The following DENND1B variants were observed in gnomAD, a reference collection of about 807,000 sequenced individuals.
DENND1B encodes the protein DENN domain-containing protein 1B.
DENND1B carries 59 observed loss-of-function variants against 90.1 expected under a neutral mutation model. That is an observed-to-expected ratio of 0.65 (90% CI 0.53 to 0.81). DENND1B has a LOEUF of 0.81. DENND1B is among the 40% of genes least tolerant of loss of function. DENND1B has a pLI of 0.00. For missense variants in DENND1B, 862 were observed against 912.6 expected (o/e 0.94, Z 0.71); for synonymous variants, 337 against 324.6 (o/e 1.04, Z -0.41).
rs767759521 is a variant in DENND1B, at chr1:197,645,720, A to G, written c.531T>C (p.Asp177=). The G allele has an allele frequency of 6.4e-7, 1 of 1,574,564 alleles. No individual in the cohort carries two copies. Among genetic ancestry groups the G allele is most frequent in the Non-Finnish European group, 8.6e-7 (1 of 1,160,576 alleles). ...CGGGTATTGTTGGGAGTCCAGTTAC[A>G]TCAGGGGCAATGAAGTAGGAATGCT... is the stretch of plus-strand genomic sequence containing the variant. ...LVPHSYFIAP[D]VTGLPTIPES... The change falls in exon 9 of 23, where the codon GAT becomes GAC. Residue 177 remains aspartate (D), a synonymous_variant. Transcript: ENST00000620048.
intron 2 of DENND1B, among the ~76,000 whole-genome samples, chr1:197,729,150 C>T (rs540582130): frequency 1.3e-5 from 2 of 152,282 alleles, no homozygotes; most frequent in South Asian, 4.1e-4. Flanking sequence ...GACTATCCCA[C>T]TTCCAGACAA....
intron 3 of DENND1B, among the ~76,000 whole-genome samples, chr1:197,694,739 A>G (rs1658257276): frequency 6.6e-6 from 1 of 151,324 alleles, no homozygotes; most frequent in Non-Finnish European, 1.5e-5. Context: ...AGATTGCTGC[A>G]TAACATCAGA....
intron 13 of DENND1B, among the ~76,000 whole-genome samples, chr1:197,600,689 A>T (rs1676125944): frequency 6.6e-6 from 1 of 151,658 alleles, no homozygotes; most frequent in Non-Finnish European, 1.5e-5. Context: ...AAACAGTATA[A>T]AGGATAATAA....
chr1:197,772,789 C>T, intron 2 of DENND1B, 79 bp downstream of exon 2: 1 of 1,298,184 alleles, frequency 7.7e-7, no homozygotes, highest in Admixed American at 2.3e-5. Flanking sequence ...CATGCCACTG[C>T]ACAGCCTGAG....
intron 15 of DENND1B, among the ~76,000 whole-genome samples, chr1:197,554,655 T>C (rs935475359): frequency 6.6e-6 from 1 of 151,078 alleles, no homozygotes; most frequent in East Asian, 2.0e-4. Context: ...CTAGCCAACA[T>C]GGTGAAACTC....
At position 197,506,867 on chromosome 1, in the gene DENND1B, A is replaced by G. The variant is rs1667754455; in HGVS notation, c.*3593T>C. The G allele has an allele frequency of 6.6e-6, 1 of 151,494 alleles. No individual in the cohort carries two copies. Among genetic ancestry groups the G allele is most frequent in the Non-Finnish European group, 1.5e-5 (1 of 67,584 alleles). 9.4% of individuals were successfully genotyped at this position (151,494 alleles called of 1,614,324 possible). A position where few individuals can be genotyped will look rare whatever the true frequency, so the allele number is the denominator to read the frequency against. ...CTGAGTACAGTGGCTCTAAGTATTG[A>G]AAAGGAGCATCATTCCATTATAGAG... On this transcript the variant is annotated 3_prime_UTR_variant, in exon 23 of 23. Coordinates refer to ENST00000620048, the MANE Select transcript of DENND1B (RefSeq NM_001195215.2).
intron 2 of DENND1B, among the ~76,000 whole-genome samples, chr1:197,742,002 T>A (rs1467020674): frequency 1.3e-5 from 2 of 152,090 alleles, no homozygotes; most frequent in African/African-American, 4.8e-5. Flanking sequence ...CAAAATTAAT[T>A]TAAAATAATA....
At chr1:197,617,903 G>A (rs180897832) in intron 10 of DENND1B, 144 bp from the exon 11 acceptor site, 15 of 624,522 alleles carry the variant, frequency 2.4e-5, no homozygotes, top group Admixed American at 2.2e-4. Context: ...ACTTCTACAT[G>A]TAAAAAGTCT....
intron 3 of DENND1B, among the ~76,000 whole-genome samples, chr1:197,714,101 C>T (rs1660382535): frequency 6.7e-6 from 1 of 149,950 alleles, no homozygotes; most frequent in Admixed American, 6.7e-5. Context: ...CTCAGCCTCC[C>T]AAGTAGCTGA....
intron 14 of DENND1B, among the ~76,000 whole-genome samples, chr1:197,588,259 T>C (rs1307832980): frequency 6.6e-6 from 1 of 152,256 alleles, no homozygotes; most frequent in Non-Finnish European, 1.5e-5. Context: ...TACCCTAGTA[T>C]GCTGCTCAAC....
At chr1:197,541,095 A>G (rs1404119521) in intron 18 of DENND1B, 80 bp from the exon 19 acceptor site, 14 of 1,206,314 alleles carry the variant, frequency 1.2e-5, no homozygotes, top group Non-Finnish European at 1.7e-5. Flanking sequence ...ATCAAATTTA[A>G]TGACAATTAC....
At chr1:197,659,150 T>C (rs1417477298) in intron 5 of DENND1B, among the ~76,000 whole-genome samples, 1 of 151,372 alleles carries the variant, frequency 6.6e-6, no homozygotes, top group Non-Finnish European at 1.5e-5. Flanking sequence ...ACTCAAGACT[T>C]TTCTTCAAAG....
At chr1:197,696,487 GAACA>G (rs1658445555) in intron 3 of DENND1B, among the ~76,000 whole-genome samples, 2 of 151,402 alleles carry the variant, frequency 1.3e-5, no homozygotes, top group South Asian at 4.1e-4. Flanking sequence ...ACAGAGGAGA[GAACA>G]AACAAGTCAG....
intron 2 of DENND1B, among the ~76,000 whole-genome samples, chr1:197,760,392 A>G (rs976106283): frequency 2.6e-5 from 4 of 152,172 alleles, no homozygotes; most frequent in African/African-American, 9.7e-5. Context: ...GCTCACACCT[A>G]TAATCCCAGC....
intron 3 of DENND1B, among the ~76,000 whole-genome samples, chr1:197,687,330 G>C (rs142464131): frequency 6.6e-6 from 1 of 152,214 alleles, no homozygotes; most frequent in African/African-American, 2.4e-5. Flanking sequence ...ATTAGGTAAG[G>C]TTTTTCTAAG....
At chr1:197,556,941 G>A (rs1169098538) in intron 15 of DENND1B, among the ~76,000 whole-genome samples, 3 of 151,906 alleles carry the variant, frequency 2.0e-5, no homozygotes, top group Admixed American at 2.0e-4. Context: ...CTGCCATAAA[G>A]TTTGAACTGA....
At chr1:197,770,337 A>T (rs550529552) in intron 2 of DENND1B, among the ~76,000 whole-genome samples, 3 of 152,262 alleles carry the variant, frequency 2.0e-5, no homozygotes, top group Non-Finnish European at 4.4e-5. Context: ...ACAACAGCAA[A>T]AAGACAAGGT....
chr1:197,595,013 A>T (rs2125807337), intron 14 of DENND1B, among the ~76,000 whole-genome samples, 195 bp downstream of exon 14: 1 of 152,304 alleles, frequency 6.6e-6, no homozygotes, highest in South Asian at 2.1e-4. Flanking sequence ...ATGAAAGAGT[A>T]CTAAACAAAA....
chr1:197,549,755 T>A (rs1191261612), intron 16 of DENND1B, among the ~76,000 whole-genome samples: 1 of 152,108 alleles, frequency 6.6e-6, no homozygotes, highest in Non-Finnish European at 1.5e-5. Context: ...CCTTTTAAGT[T>A]AAGGTGGAAG....
Sources: gnomAD v4.1 joint callset for allele counts (sites outside exome capture counted in the v4.1 genomes callset) on GRCh38, gnomAD v4.1.1 for gene constraint, MANE v1.5 for transcripts, NCBI Gene and HGNC (gene_info 2026-07-23, HGNC 2026-07-21) for gene names.